HHLA1: variants seen among roughly 807,000 people sequenced by gnomAD.
HHLA1 encodes the protein HHLA1 neighbor of OC90.
In HHLA1, 72 loss-of-function variants were observed where a neutral mutation model predicts 69.9. The ratio of observed to expected loss-of-function variants is 1.03; its 90% CI spans 0.85 to 1.25. HHLA1 has a LOEUF of 1.25. HHLA1 is among the 50% of genes most tolerant of loss of function. The pLI is 0.00. For missense variants in HHLA1, 685 were observed against 642.2 expected (o/e 1.07, Z -0.72); for synonymous variants, 252 against 233.2 (o/e 1.08, Z -0.73).
chr8:132,076,678 C>A (rs1823650739), intron 12 of HHLA1, 135 bp from the exon 13 acceptor site: 1 of 500,860 alleles, frequency 2.0e-6, no homozygotes, highest in South Asian at 4.0e-5. Context: ...CTTTAAGAAG[C>A]AGAGATGAGT....
At chr8:132,086,826 A>G (rs1823872510) in intron 10 of HHLA1, among the ~76,000 whole-genome samples, 1 of 152,106 alleles carries the variant, frequency 6.6e-6, no homozygotes, top group African/African-American at 2.4e-5. Context: ...CAATAAATAT[A>G]AAGCAAAGTA....
chr8:132,099,652 G>A (rs746818840), intron 4 of HHLA1, among the ~76,000 whole-genome samples: 4 of 152,164 alleles, frequency 2.6e-5, no homozygotes, highest in Non-Finnish European at 5.9e-5. Flanking sequence ...TCAGGAGTTT[G>A]AGACCAGCCT....
At chr8:132,073,999 A>T (rs1365197239) in intron 14 of HHLA1, among the ~76,000 whole-genome samples, 1 of 152,168 alleles carries the variant, frequency 6.6e-6, no homozygotes, top group Admixed American at 6.5e-5. Context: ...TTTCTGCAAC[A>T]CAAATCTGAT....
rs552901833 is a variant in HHLA1 at position 132,079,943 on chromosome 8, T to C, written c.700A>G (p.Arg234Gly). 3 of 1,552,354 alleles carry C rather than the reference T, an allele frequency of 1.9e-6. No individual in the cohort carries two copies. Among genetic ancestry groups the C allele is most frequent in the East Asian group, 2.4e-5 (1 of 40,916 alleles). Reference protein sequence around the residue: ...VLGAATRGTARTSKPTTKSQK... With the variant: ...VLGAATRGTAGTSKPTTKSQK... ...CTTTTGGTTGTGGGCTTTGAAGTCC[T>C]GGCAGTTCCCCTGGTAGCTGCACCT... The change falls in exon 11 of 17, where the codon AGG becomes GGG. Residue 234 changes from arginine to glycine, a missense_variant. Arg to Gly is a moderately radical substitution (Grantham distance 125). Transcript: ENST00000414222.
intron 1 of HHLA1, among the ~76,000 whole-genome samples, chr8:132,109,116 T>C (rs888009915): frequency 1.4e-4 from 22 of 152,186 alleles, no homozygotes; most frequent in Non-Finnish European, 7.3e-5. Flanking sequence ...CAAGCAACTC[T>C]CTGCCTCAGC....
chr8:132,081,512 T>C (rs1223307823), intron 10 of HHLA1, among the ~76,000 whole-genome samples: 3 of 152,224 alleles, frequency 2.0e-5, no homozygotes, highest in Admixed American at 2.0e-4. Context: ...CACTGAATAC[T>C]AAGAGCCTGA....
intron 8 of HHLA1, among the ~76,000 whole-genome samples, chr8:132,088,302 G>C (rs1014399124): frequency 6.6e-6 from 1 of 152,142 alleles, no homozygotes; most frequent in South Asian, 2.1e-4. Flanking sequence ...GTGTGAGCTT[G>C]GTACCCAAAT....
At chr8:132,067,344 G>T (rs1192017433) in intron 15 of HHLA1, among the ~76,000 whole-genome samples, 1 of 152,216 alleles carries the variant, frequency 6.6e-6, no homozygotes, top group Admixed American at 6.5e-5. Context: ...TTCTGGGAAA[G>T]GTAGTTTGCA....
At chr8:132,094,886 C>CA in intron 7 of HHLA1, among the ~76,000 whole-genome samples, 1 of 152,252 alleles carries the variant, frequency 6.6e-6, no homozygotes, top group Admixed American at 6.5e-5. Flanking sequence ...ATTAACGGTG[C>CA]AAAAATTGTC....
chr8:132,084,340 A>C (rs1823821878), intron 10 of HHLA1, among the ~76,000 whole-genome samples: 1 of 152,068 alleles, frequency 6.6e-6, no homozygotes, highest in Non-Finnish European at 1.5e-5. Context: ...GAAAAGGAAG[A>C]TTAGAAAGAC....
At chr8:132,085,641 C>A in intron 10 of HHLA1, 1 of 158,520 alleles carries the variant, frequency 6.3e-6, no homozygotes, top group Non-Finnish European at 1.4e-5. Flanking sequence ...GGGCTGAGTC[C>A]GAAAAGAGAG....
At position 132,095,500 on chromosome 8, in the gene HHLA1, C is replaced by T; in HGVS notation, c.448+19G>A. On this transcript the variant is annotated intron_variant, in intron 7 of 16. Coordinates refer to ENST00000414222, the MANE Select transcript of HHLA1 (RefSeq NM_001145095.3). ...GCAAAATTGGAAAAGCTGCAAGCCT[C>T]ATGGTAAGCTGTACCCACCTGATAA... 3 of 1,494,710 alleles carry T rather than the reference C, an allele frequency of 2.0e-6. No individual in the cohort carries two copies. Among genetic ancestry groups the T allele is most frequent in the South Asian group, 2.5e-5 (2 of 81,480 alleles). The allele number at this position is 1,494,710 out of a possible 1,614,324, so 92.6% of individuals were successfully genotyped here.
chr8:132,100,128 C>A lies in HHLA1; in HGVS notation c.146G>T (p.Gly49Val). 1 of 1,550,348 alleles carries A rather than the reference C, an allele frequency of 6.5e-7. No individual in the cohort carries two copies. Among genetic ancestry groups the A allele is most frequent in the Non-Finnish European group, 8.7e-7 (1 of 1,145,828 alleles). Residue 49 changes from glycine to valine, a missense_variant, in exon 4 of 17, where the codon GGC becomes GTC. Physicochemically the swap from Gly to Val is moderately radical, Grantham distance 109. Coordinates refer to ENST00000414222, the MANE Select transcript of HHLA1 (RefSeq NM_001145095.3). ...GMTFLPTTVS[G>V]LREEERKEKG... is the part of the protein sequence containing the mutation. ...CTCCTTCCTCTCTTCTTCTCTAAGG[C>A]CAGACACTGGGAAGGAGACAGTTTT...
At chr8:132,071,117 C>A (rs1233527450) in intron 15 of HHLA1, among the ~76,000 whole-genome samples, 1 of 152,192 alleles carries the variant, frequency 6.6e-6, no homozygotes, top group Non-Finnish European at 1.5e-5. Flanking sequence ...TCAGGCACTG[C>A]ACTTGGTTCT....
chr8:132,085,895 G>GGGCA, intron 10 of HHLA1, among the ~76,000 whole-genome samples: 1 of 134,710 alleles, frequency 7.4e-6, no homozygotes, highest in Non-Finnish European at 1.7e-5. Context: ...AGGTGGGGCA[G>GGGCA]GGCATATTCA....
chr8:132,089,902 T>C (rs1305073453), intron 7 of HHLA1, among the ~76,000 whole-genome samples: 1 of 152,224 alleles, frequency 6.6e-6, no homozygotes, highest in Non-Finnish European at 1.5e-5. Flanking sequence ...AATAATGGTC[T>C]TTCTGGCGGC....
Position 132,065,955 on chromosome 8 carries a change from A to T in HHLA1, c.1483T>A (p.Tyr495Asn). ...GCATTCTTCAGAAACCAGGAATAGT[A>T]TTCAAGACAGTATCTAAAGATTTAA... The part of the protein sequence containing the change: ...RTEDMRYCLE[Y>N]YSWFLKNATY... Residue 495 changes from tyrosine to asparagine, a missense_variant, in exon 16 of 17, where the codon TAC (tyrosine) becomes AAC (asparagine). Coordinates refer to ENST00000414222, the MANE Select transcript of HHLA1 (RefSeq NM_001145095.3). 7.7e-7 allele frequency: 1 copy of T among 1,295,138 alleles called. No individual in the cohort carries two copies. Among genetic ancestry groups the T allele is most frequent in the African/African-American group, 1.5e-5 (1 of 65,788 alleles). The allele number at this position is 1,295,138 out of a possible 1,614,324, so 80.2% of individuals were successfully genotyped here.
intron 14 of HHLA1, among the ~76,000 whole-genome samples, chr8:132,072,732 T>C (rs572294417): frequency 1.3e-5 from 2 of 152,334 alleles, no homozygotes; most frequent in East Asian, 3.9e-4. Flanking sequence ...GTAAAAATAA[T>C]TGTGCACCAT....
At chr8:132,085,251 G>A (rs568999238) in intron 10 of HHLA1, among the ~76,000 whole-genome samples, 6 of 152,270 alleles carry the variant, frequency 3.9e-5, no homozygotes, top group East Asian at 3.9e-4. Flanking sequence ...TTGGGTTCAC[G>A]GATAAAACAT....
Sources: allele counts gnomAD v4.1 joint callset (sites outside exome capture counted in the v4.1 genomes callset), GRCh38; gene constraint gnomAD v4.1.1; transcripts MANE v1.5; gene names NCBI Gene and HGNC (gene_info 2026-07-23, HGNC 2026-07-21).